The following ZNF248 variants were observed in gnomAD, a reference collection of about 807,000 sequenced individuals.
ZNF248 encodes zinc finger protein 248.
In ZNF248, 20 loss-of-function variants were observed where a neutral mutation model predicts 44.3. The observed-to-expected ratio is 0.45, with a 90% CI of 0.32 to 0.66. The LOEUF (loss-of-function observed/expected upper bound fraction) is 0.66. Ranked by LOEUF, ZNF248 falls within the 30% of genes least tolerant of loss-of-function variation. ZNF248 has a pLI of 0.04. For missense variants in ZNF248, 654 were observed against 677.0 expected, an observed-to-expected ratio of 0.97 and a Z score of 0.38; for synonymous variants, 224 against 229.0, an observed-to-expected ratio of 0.98 and a Z score of 0.20.
chr10:37,851,975 C>T (rs1016479712), intron 3 of ZNF248, among the ~76,000 whole-genome samples: 1 of 151,880 alleles, frequency 6.6e-6, no homozygotes, highest in Non-Finnish European at 1.5e-5. Context: ...CAGCCGGGCG[C>T]GGTGGCTCAC....
intron 6 of ZNF248, among the ~76,000 whole-genome samples, chr10:37,811,469 T>C (rs976441236): frequency 6.6e-6 from 1 of 151,602 alleles, no homozygotes; most frequent in Admixed American, 6.6e-5. Context: ...AAAAAAACCA[T>C]GAAGGATTTA....
downstream of ZNF248, among the ~76,000 whole-genome samples, chr10:37,828,333 G>C (rs2054724814): frequency 6.6e-6 from 1 of 152,086 alleles, no homozygotes; most frequent in African/African-American, 2.4e-5. Context: ...TTCCTATTTT[G>C]ATTTTTCTTT....
At chr10:37,768,259 C>T in the ZNF248 span, among the ~76,000 whole-genome samples, 3 of 152,160 alleles carry the variant, frequency 2.0e-5, no homozygotes, top group African/African-American at 4.8e-5. Context: ...TTGAACTCAG[C>T]TCTGCACCAA....
chr10:37,850,218 C>A (rs765645669), intron 3 of ZNF248, among the ~76,000 whole-genome samples: 6 of 152,114 alleles, frequency 3.9e-5, no homozygotes, highest in Non-Finnish European at 8.8e-5. Flanking sequence ...CTTTGAACAG[C>A]GTTTGCAATT....
chr10:37,857,118 T>A (rs1399944038), intron 1 of ZNF248, 67 bp downstream of exon 1: 1 of 152,512 alleles, frequency 6.6e-6, no homozygotes, highest in African/African-American at 2.4e-5. Flanking sequence ...CACCCGTCCC[T>A]GCCCTCAGAC....
At position 37,806,029 on chromosome 10, in the gene ZNF248, G is replaced by T. The variant is rs529114123; in HGVS notation, c.330+26996C>A. On this transcript the variant is annotated intron_variant, in intron 6 of 6. Coordinates refer to the ZNF248 transcript ENST00000615949. Reference sequence around the variant, plus strand: ...AGGAGTAGAATTGTTGAGCAAGATAGTAAAGTTATGTTTAACACTTTCAAT... The same window carrying T: ...AGGAGTAGAATTGTTGAGCAAGATATTAAAGTTATGTTTAACACTTTCAAT... 5.3e-5 allele frequency among the ~76,000 whole-genome samples: 8 copies of T among 152,262 alleles called. No homozygotes were observed. In the South Asian group the frequency reaches 1.4e-3, roughly 28 times the overall value.
At chr10:37,778,461 G>A (rs1287501147) in intron 6 of ZNF248, among the ~76,000 whole-genome samples, 34 of 151,648 alleles carry the variant, frequency 2.2e-4, no homozygotes, top group Non-Finnish European at 2.2e-4. Flanking sequence ...AGTAGGTTGC[G>A]AAAATTTTCT....
chr10:37,822,083 T>G (rs988704539), intron 6 of ZNF248, among the ~76,000 whole-genome samples: 3 of 152,190 alleles, frequency 2.0e-5, no homozygotes, highest in African/African-American at 7.2e-5. Flanking sequence ...CTCATCACAT[T>G]GCTGAATTTA....
intron 6 of ZNF248, among the ~76,000 whole-genome samples, chr10:37,784,564 C>T (rs535578958): frequency 2.6e-5 from 4 of 152,344 alleles, no homozygotes; most frequent in African/African-American, 9.6e-5. Context: ...ATAATAATCT[C>T]TGGAGCTTAA....
Position 37,856,440 on chromosome 10 carries a change from C to A in ZNF248, c.-33G>T, listed in dbSNP as rs1368826449. On this transcript the variant is annotated 5_prime_UTR_variant, in exon 2 of 6. An upstream start codon of the reference 5' UTR is lost. Coordinates refer to ENST00000395867, the MANE Select transcript of ZNF248 (RefSeq NM_021045.3). The stretch of plus-strand genomic sequence containing the variant: ...TCCACACACAAGATACTTACGTGTC[C>A]ATGTGTGGCTCCGATATATGCTGAG... 8 of 1,465,366 alleles carry A rather than the reference C, an allele frequency of 5.5e-6. No homozygotes were observed. Among genetic ancestry groups the A allele is most frequent in the Non-Finnish European group, 7.2e-6 (8 of 1,104,422 alleles). 90.8% of individuals were successfully genotyped at this position (1,465,366 alleles called of 1,614,324 possible).
At chr10:37,764,346 CA>C in the ZNF248 span, among the ~76,000 whole-genome samples, 1 of 152,204 alleles carries the variant, frequency 6.6e-6, no homozygotes, top group Non-Finnish European at 1.5e-5. Context: ...TGTCTGCTCT[CA>C]AACCCTGTCT....
At chr10:37,803,221 C>CT (rs1485226679) in intron 6 of ZNF248, 6 of 152,188 alleles carry the variant, frequency 3.9e-5, no homozygotes, top group African/African-American at 1.4e-4. Context: ...AACACTGTCA[C>CT]TTGATTTTTG....
intron 3 of ZNF248, among the ~76,000 whole-genome samples, chr10:37,845,314 G>T (rs115684988): frequency 0.01 from 1,565 of 151,308 alleles, 31 homozygotes; most frequent in African/African-American, 0.036. Context: ...CACCATGCTC[G>T]GCCACCTTTA....
In ZNF248 at chr10:37,831,983, G is replaced by A. The variant is rs2055795870; in HGVS notation, c.1372C>T (p.His458Tyr). 6.2e-7 allele frequency: 1 copy of A among 1,613,966 alleles called. No homozygotes were observed. The highest frequency in any genetic ancestry group is 1.3e-5 in the African/African-American group (1 of 74,934). Residue 458 changes from histidine (H) to tyrosine (Y), a missense_variant, in exon 6 of 6, where the codon CAC becomes TAC. Coordinates refer to ENST00000395867, the MANE Select transcript of ZNF248 (RefSeq NM_021045.3). ...CATTCATAGGGCTTCTCCCCTGTGT[G>A]TGTTCTCTGATGTTCAGTGAGGTTT... ...KSNLTEHQRT[H>Y]TGEKPYECNA...
chr10:37,834,834 G>C (rs1423405694), intron 5 of ZNF248, among the ~76,000 whole-genome samples: 1 of 152,098 alleles, frequency 6.6e-6, no homozygotes, highest in East Asian at 1.9e-4. Context: ...CAGTAAATGA[G>C]AAAACATTTG....
At chr10:37,778,813 A>T (rs1008549204) in intron 6 of ZNF248, among the ~76,000 whole-genome samples, 78 of 152,214 alleles carry the variant, frequency 5.1e-4, no homozygotes, top group Non-Finnish European at 9.4e-4. Flanking sequence ...TAGAAGCAAT[A>T]AAAAATGATA....
At position 37,789,179 on chromosome 10, in the gene ZNF248, G is replaced by A. The variant is rs1209491611; in HGVS notation, c.331-12604C>T. The stretch of plus-strand genomic sequence containing the variant: ...TATTGGCGTGAAGGAATGTTTTTGG[G>A]TGATATAAATGTAAAATTGGATTGT... On this transcript the variant is annotated intron_variant, in intron 6 of 6. Coordinates refer to the ZNF248 transcript ENST00000615949. Among the ~76,000 whole-genome samples, 4 of 152,054 alleles carry A rather than the reference G, an allele frequency of 2.6e-5. No individual in the cohort carries two copies. In the East Asian group the frequency reaches 7.7e-4, roughly 29 times the overall value.
chr10:37,821,988 C>T (rs2053543349), intron 6 of ZNF248, among the ~76,000 whole-genome samples: 1 of 152,196 alleles, frequency 6.6e-6, no homozygotes, highest in Non-Finnish European at 1.5e-5. Context: ...GGAGCCTCAG[C>T]AATCAGCTCC....
downstream of ZNF248, among the ~76,000 whole-genome samples, chr10:37,824,848 ATTTT>A (rs36011714): frequency 1.9e-4 from 22 of 115,202 alleles, no homozygotes; most frequent in South Asian, 2.9e-3. Context: ...CACCCAGCTG[ATTTT>A]TTTTTTTTTT....
Sources: gnomAD v4.1 joint callset for allele counts (sites outside exome capture counted in the v4.1 genomes callset) on GRCh38, gnomAD v4.1.1 for gene constraint, MANE v1.5 for transcripts, NCBI Gene and HGNC (gene_info 2026-07-23, HGNC 2026-07-21) for gene names.